Variants in TNIP2 observed in about 807,000 individuals in gnomAD.
TNIP2 encodes the protein TNFAIP3-interacting protein 2.
Under a neutral mutation model 43.7 loss-of-function variants are expected in TNIP2, and 30 were observed. The observed-to-expected ratio is 0.69, with a 90% CI of 0.51 to 0.93. The LOEUF is 0.93. TNIP2 is among the 40% of genes least tolerant of loss of function. TNIP2 has a pLI of 0.00. For synonymous variants in TNIP2, 260 were observed against 254.6 expected (o/e 1.02, Z -0.20); for missense variants, 599 against 591.0 (o/e 1.01, Z -0.14).
intron 5 of TNIP2, among the ~76,000 whole-genome samples, chr4:2,743,575 G>C (rs890620156): frequency 6.6e-6 from 1 of 152,184 alleles, no homozygotes; most frequent in African/African-American, 2.4e-5. Context: ...TGGCTGCTCG[G>C]AACAGGGCAG....
intron 2 of TNIP2, chr4:2,747,339 C>G (rs1189588144): frequency 9.3e-6 from 3 of 324,068 alleles, no homozygotes; most frequent in Non-Finnish European, 5.8e-6. Context: ...GGCAGCTCTG[C>G]CAGGCTCAGC....
Position 2,742,378 on chromosome 4 carries a change from C to A in TNIP2, c.1169G>T (p.Gly390Val), listed in dbSNP as rs1235035286. 3 of 1,608,402 alleles carry A rather than the reference C, an allele frequency of 1.9e-6. No homozygotes were observed. Among genetic ancestry groups the A allele is most frequent in the Non-Finnish European group, 2.5e-6 (3 of 1,177,042 alleles). Reference protein sequence around the residue: ...GSQQPEPPAEGGHPGAAQRGQ... With the variant: ...GSQQPEPPAEVGHPGAAQRGQ... ...TCTCTGGGCCGCGCCAGGATGCCCG[C>A]CCTCTGCAGGGGGTTCTGGCTGCTG... Residue 390 changes from glycine to valine, a missense_variant, in exon 6 of 6, where the codon GGC becomes GTC. By Grantham distance (109) the Gly-to-Val change is moderately radical. Coordinates refer to ENST00000315423, the MANE Select transcript of TNIP2 (RefSeq NM_024309.4).
chr4:2,754,978 C>A (rs1402457982), intron 1 of TNIP2, among the ~76,000 whole-genome samples: 1 of 152,182 alleles, frequency 6.6e-6, no homozygotes, highest in Non-Finnish European at 1.5e-5. Flanking sequence ...GCCCGCCTTG[C>A]CTCCGAAAGT....
intron 5 of TNIP2, among the ~76,000 whole-genome samples, chr4:2,742,784 T>C (rs570619284): frequency 6.6e-6 from 1 of 152,194 alleles, no homozygotes; most frequent in African/African-American, 2.4e-5. Context: ...TCCTGTTCAG[T>C]TGGACCTATC....
intron 1 of TNIP2, among the ~76,000 whole-genome samples, chr4:2,748,434 A>C (rs1306387320): frequency 1.3e-5 from 2 of 152,116 alleles, no homozygotes; most frequent in Non-Finnish European, 2.9e-5. Context: ...GCTCCGCCTC[A>C]GAGGTTCACA....
intron 1 of TNIP2, among the ~76,000 whole-genome samples, chr4:2,750,525 C>T (rs1722074729): frequency 1.3e-5 from 2 of 151,872 alleles, no homozygotes; most frequent in Non-Finnish European, 2.9e-5. Context: ...CTCCTGGGTC[C>T]AAGTGTTCCT....
rs774186891 is a variant in TNIP2 at position 2,742,312 on chromosome 4, A to T, written c.1235T>A (p.Phe412Tyr). ...DLQCPHCLQC[F>Y]SDEQGEELLR... ...GAGCTCTTCCCCTTGCTCGTCACTG[A>T]AGCACTGCAGGCAGTGAGGGCACTG... is the stretch of plus-strand genomic sequence containing the variant. The change falls in exon 6 of 6, where the codon TTC (phenylalanine) becomes TAC (tyrosine). Residue 412 changes from phenylalanine to tyrosine, a missense_variant. Coordinates refer to ENST00000315423, the MANE Select transcript of TNIP2 (RefSeq NM_024309.4). The T allele has an allele frequency of 2.6e-6, 4 of 1,542,064 alleles. No individual in the cohort carries two copies. Among genetic ancestry groups the T allele is most frequent in the Non-Finnish European group, 2.6e-6 (3 of 1,141,064 alleles).
intron 1 of TNIP2, among the ~76,000 whole-genome samples, chr4:2,749,461 T>A (rs1722046897): frequency 6.6e-6 from 1 of 152,136 alleles, no homozygotes; most frequent in Admixed American, 6.5e-5. Flanking sequence ...CAAAATGGAT[T>A]AGGACGGGAC....
At chr4:2,751,828 C>T (rs980540408) in intron 1 of TNIP2, among the ~76,000 whole-genome samples, 4 of 147,426 alleles carry the variant, frequency 2.7e-5, no homozygotes, top group South Asian at 2.2e-4. Context: ...GAAGGTGGCC[C>T]GGGGCGGTGG....
At chr4:2,746,665 CGT>C (rs1326575031) in intron 2 of TNIP2, among the ~76,000 whole-genome samples, 1 of 152,222 alleles carries the variant, frequency 6.6e-6, no homozygotes, top group Non-Finnish European at 1.5e-5. Flanking sequence ...CATCCCAGCG[CGT>C]GTGTTTCTGC....
At chr4:2,750,397 G>GATTATT (rs71644358) in intron 1 of TNIP2, among the ~76,000 whole-genome samples, 5,658 of 145,604 alleles carry the variant, frequency 0.039, 143 homozygotes, top group African/African-American at 0.068. Flanking sequence ...CGAGAACCCT[G>GATTATT]ATTATTATTA....
chr4:2,749,757 G>A (rs1722054808), intron 1 of TNIP2, among the ~76,000 whole-genome samples: 1 of 152,110 alleles, frequency 6.6e-6, no homozygotes, highest in South Asian at 2.1e-4. Flanking sequence ...AGCAGCTCTA[G>A]GAAATTAACA....
intron 1 of TNIP2, among the ~76,000 whole-genome samples, chr4:2,750,739 C>A: frequency 6.6e-6 from 1 of 151,040 alleles, no homozygotes; most frequent in East Asian, 1.9e-4. Context: ...GTCTTGAACT[C>A]CTGGCCTCAA....
Position 2,745,497 on chromosome 4 carries a change from A to C in TNIP2, c.606T>G (p.Val202=), listed in dbSNP as rs749151289. 3.7e-6 allele frequency: 6 copies of C among 1,614,036 alleles called. No individual in the cohort carries two copies. The East Asian group carries it at 1.1e-4, about 30-fold the overall frequency. The part of the protein sequence containing the change: ...HTDGHTSVQS[V]IEKLQEENRL... ...GATTTTCTTCCTGCAACTTCTCAAT[A>C]ACACTCTGGACAGAGGTGTGCCCAT... is the stretch of plus-strand genomic sequence containing the variant. The change falls in exon 3 of 6, where the codon GTT becomes GTG. Residue 202 remains valine, a synonymous_variant. Coordinates refer to ENST00000315423, the MANE Select transcript of TNIP2 (RefSeq NM_024309.4).
intron 1 of TNIP2, among the ~76,000 whole-genome samples, chr4:2,751,963 G>A (rs1722113224): frequency 6.6e-6 from 1 of 151,928 alleles, no homozygotes; most frequent in Non-Finnish European, 1.5e-5. Context: ...AAATTAGCCA[G>A]GCGTGCTGGT....
chr4:2,747,772 C>T lies in TNIP2; in HGVS notation c.450G>A (p.Glu150=). The change falls in exon 2 of 6, where the codon GAG becomes GAA. Residue 150 remains glutamate, a synonymous_variant. Transcript: ENST00000315423. Reference sequence around the variant, plus strand: ...TCAGCGTCCTCCGCAGCTGATGGGTCTCGTTGGCCAAGGAGCGGCACAGGA... The same window carrying T: ...TCAGCGTCCTCCGCAGCTGATGGGTTTCGTTGGCCAAGGAGCGGCACAGGA... ...SDVLCRSLAN[E]THQLRRTLTA... 6.2e-7 allele frequency: 1 copy of T among 1,611,710 alleles called. No individual in the cohort carries two copies. The highest frequency in any genetic ancestry group is 8.5e-7 in the Non-Finnish European group (1 of 1,180,044).
chr4:2,742,614 C>T, intron 5 of TNIP2, 94 bp from the exon 6 acceptor site: 2 of 1,355,898 alleles, frequency 1.5e-6, no homozygotes, highest in African/African-American at 3.0e-5. Flanking sequence ...TTCACCTATC[C>T]CTGAGCGGAA....
At position 2,742,126 on chromosome 4, in the gene TNIP2, A is replaced by T. The variant is rs1245752020; in HGVS notation, c.*131T>A. On this transcript the variant is annotated 3_prime_UTR_variant, in exon 6 of 6. Coordinates refer to ENST00000315423, the MANE Select transcript of TNIP2 (RefSeq NM_024309.4). ...CAAAGGGACCAAAGTGAACGATCAG[A>T]GTGCCCCGCAACTATTCTAGGGGCC... 1 of 901,796 alleles carries T rather than the reference A, an allele frequency of 1.1e-6. No individual in the cohort carries two copies. The highest frequency in any genetic ancestry group is 1.5e-6 in the Non-Finnish European group (1 of 661,764). The allele number at this position is 901,796 out of a possible 1,614,324, so 55.9% of individuals were successfully genotyped here. A position where few individuals can be genotyped will look rare whatever the true frequency, so the allele number is the denominator to read the frequency against.
Position 2,744,295 on chromosome 4 carries a change from G to A in TNIP2, c.1026+92C>T. The A allele has an allele frequency of 6.5e-7, 1 of 1,530,860 alleles. No homozygotes were observed. The highest frequency in any genetic ancestry group is 1.8e-5 in the Admixed American group (1 of 55,846). 94.8% of individuals were successfully genotyped at this position (1,530,860 alleles called of 1,614,324 possible). A position where few individuals can be genotyped will look rare whatever the true frequency, so the allele number is the denominator to read the frequency against. ...ACAACCCTCATCACCAGCAAATCAGGGCCTTGGCAGACACAGAAAGGCTCT... is the reference window on the plus strand; with the variant it reads ...ACAACCCTCATCACCAGCAAATCAGAGCCTTGGCAGACACAGAAAGGCTCT... On this transcript the variant is annotated intron_variant, in intron 5 of 5. Transcript: ENST00000315423. This position sits in a 1 kb window ranked among gnomAD's most constrained non-coding sequence, Gnocchi z 5.1.
Sources: allele counts gnomAD v4.1 joint callset (sites outside exome capture counted in the v4.1 genomes callset), GRCh38; gene constraint gnomAD v4.1.1; non-coding constraint Gnocchi (gnomAD v3.1); transcripts MANE v1.5; gene names NCBI Gene and HGNC (gene_info 2026-07-23, HGNC 2026-07-21).